The following ZNF280D variants were observed in gnomAD, a reference collection of about 807,000 sequenced individuals.
ZNF280D encodes the protein suppressor of hairy wing homolog 4.
Under a neutral mutation model 94.7 loss-of-function variants are expected in ZNF280D, and 39 were observed. That is an observed-to-expected ratio of 0.41 (90% CI 0.32 to 0.54). The LOEUF (loss-of-function observed/expected upper bound fraction) is 0.54. Ranked by LOEUF, ZNF280D falls within the 20% of genes least tolerant of loss-of-function variation. The pLI is 0.22. For missense variants in ZNF280D, 1,090 were observed against 1,149.3 expected, an observed-to-expected ratio of 0.95 and a Z score of 0.75; for synonymous variants, 398 against 377.6, an observed-to-expected ratio of 1.05 and a Z score of -0.63.
chr15:56,690,903 T>C (rs1233519394), intron 7 of ZNF280D, among the ~76,000 whole-genome samples: 1 of 152,210 alleles, frequency 6.6e-6, no homozygotes, highest in East Asian at 1.9e-4. Flanking sequence ...TGTTACTCTC[T>C]AGTTATGTTA....
chr15:56,661,869 A>G (rs1313476341), intron 16 of ZNF280D, among the ~76,000 whole-genome samples: 2 of 152,184 alleles, frequency 1.3e-5, no homozygotes, highest in Admixed American at 1.3e-4. Flanking sequence ...AGTTTTTCTA[A>G]AAGTCACAAT....
chr15:56,677,450 A>G, intron 12 of ZNF280D, 124 bp downstream of exon 12: 1 of 631,550 alleles, frequency 1.6e-6, no homozygotes, highest in Non-Finnish European at 2.9e-6. Flanking sequence ...TATCCCTCAT[A>G]TAATGCATAA....
chr15:56,706,975 A>C, intron 3 of ZNF280D, 107 bp downstream of exon 3: 1 of 994,018 alleles, frequency 1.0e-6, no homozygotes, highest in Middle Eastern at 2.5e-4. Flanking sequence ...AACAATTTTA[A>C]GCATTTTTGT....
rs569784906 is a variant in ZNF280D, at chr15:56,707,176, A to T, written c.-41-26T>A. 6.8e-5 allele frequency: 109 copies of T among 1,612,200 alleles called. No individual in the cohort carries two copies. The African/African-American group carries it at 1.4e-3, about 20-fold the overall frequency. The stretch of plus-strand genomic sequence containing the variant: ...CTGACACATGATATCAGTCAATTTA[A>T]TGAGTCACTTTAAGTAACACCAAAT... On this transcript the variant is annotated intron_variant, in intron 2 of 21. Transcript: ENST00000267807.
Position 56,632,103 on chromosome 15 carries a change from A to C in ZNF280D, c.2335T>G (p.Ser779Ala). Residue 779 changes from serine to alanine, a missense_variant, in exon 22 of 22, where the codon TCT becomes GCT. This residue lies in a region of ZNF280D where 577 missense variants were observed against 568.8 expected (regional missense o/e 1.01). Coordinates refer to ENST00000267807, the MANE Select transcript of ZNF280D (RefSeq NM_017661.4). ...TTACATCCATTTTTTTCTTTTGAAG[A>C]AGCAGCTTTATCTTGTTTACTGAAA... Reference protein sequence around the residue: ...NSESKQDKAASSKEKNGCNAN... With the variant: ...NSESKQDKAAASKEKNGCNAN... 1 of 1,585,750 alleles carries C rather than the reference A, an allele frequency of 6.3e-7. No homozygotes were observed. The highest frequency in any genetic ancestry group is 1.2e-5 in the South Asian group (1 of 85,704).
intron 1 of ZNF280D, chr15:56,724,810 G>A: frequency 2.3e-6 from 1 of 437,504 alleles, no homozygotes; most frequent in Non-Finnish European, 4.6e-6. Context: ...ACACTACAAT[G>A]TAGTGTCACT....
At chr15:56,691,245 A>C (rs2056405434) in intron 7 of ZNF280D, among the ~76,000 whole-genome samples, 1 of 152,178 alleles carries the variant, frequency 6.6e-6, no homozygotes, top group African/African-American at 2.4e-5. Flanking sequence ...GTATTATACT[A>C]CTTGGCTTCT....
intron 9 of ZNF280D, among the ~76,000 whole-genome samples, chr15:56,684,274 A>C (rs2055842815): frequency 6.6e-6 from 1 of 152,228 alleles, no homozygotes; most frequent in South Asian, 2.1e-4. Context: ...CCAACTTGTT[A>C]AACACTATAG....
chr15:56,678,429 C>T lies in ZNF280D; in HGVS notation c.1162+235G>A, dbSNP rs536341023. Among the ~76,000 whole-genome samples, 3 of 152,300 alleles carry T rather than the reference C, an allele frequency of 2.0e-5. No homozygotes were observed. In the South Asian group the frequency reaches 6.2e-4, roughly 32 times the overall value. ...CTAATTTAGTCCCCAACATATAATG[C>T]ATAGTTTATGTCAAGGCAATTACCA... is the stretch of plus-strand genomic sequence containing the variant. On this transcript the variant is annotated intron_variant, in intron 11 of 21. Transcript: ENST00000267807.
At chr15:56,720,687 T>C (rs913015835) in intron 1 of ZNF280D, among the ~76,000 whole-genome samples, 1 of 152,178 alleles carries the variant, frequency 6.6e-6, no homozygotes, top group African/African-American at 2.4e-5. Context: ...CCTTGACCCA[T>C]GGGCAGCAGA....
At chr15:56,727,764 C>T (rs12915445) in intron 1 of ZNF280D, among the ~76,000 whole-genome samples, 1 of 152,204 alleles carries the variant, frequency 6.6e-6, no homozygotes, top group Admixed American at 6.5e-5. Flanking sequence ...GCACTTTAGA[C>T]TCTTAATGAT....
intron 1 of ZNF280D, among the ~76,000 whole-genome samples, chr15:56,707,612 C>T (rs563472107): frequency 1.6e-4 from 25 of 152,214 alleles, no homozygotes; most frequent in East Asian, 7.7e-4. Flanking sequence ...ACTTTTCAAA[C>T]GCTGAGTGAC....
rs2052038395 is a variant in ZNF280D at position 56,630,612 on chromosome 15, T to TGTACAATATCTACAAACCCTAA, written c.*885_*886insTTAGGGTTTGTAGATATTGTAC. ...TACAATATCTACATTATACCATACTTTGGTTTGGCTTCCAGACCATTTTTA... is the reference window on the plus strand; with the variant it reads ...TACAATATCTACATTATACCATACTTGTACAATATCTACAAACCCTAATGGTTTGGCTTCCAGACCATTTTTA... On this transcript the variant is annotated 3_prime_UTR_variant, in exon 22 of 22. Coordinates refer to ENST00000267807, the MANE Select transcript of ZNF280D (RefSeq NM_017661.4). The TGTACAATATCTACAAACCCTAA allele has an allele frequency of 6.6e-6, 1 of 152,150 alleles. No homozygotes were observed. The highest frequency in any genetic ancestry group is 3.2e-3 in the Middle Eastern group (1 of 316). 9.4% of individuals were successfully genotyped at this position (152,150 alleles called of 1,614,324 possible). A position where few individuals can be genotyped will look rare whatever the true frequency, so the allele number is the denominator to read the frequency against.
intron 1 of ZNF280D, 107 bp from the exon 2 acceptor site, chr15:56,707,413 T>A (rs1170187583): frequency 1.2e-6 from 1 of 863,490 alleles, no homozygotes; most frequent in African/African-American, 1.7e-5. Flanking sequence ...ATATATCTGA[T>A]ATACACATAT....
intron 1 of ZNF280D, among the ~76,000 whole-genome samples, chr15:56,715,154 A>C (rs1166601326): frequency 1.3e-5 from 2 of 152,190 alleles, no homozygotes; most frequent in Non-Finnish European, 2.9e-5. Context: ...TGAACCAAAA[A>C]GTTAAGAGTT....
At chr15:56,634,643 C>T (rs1481703409) in intron 21 of ZNF280D, among the ~76,000 whole-genome samples, 10 of 152,070 alleles carry the variant, frequency 6.6e-5, no homozygotes, top group South Asian at 2.1e-4. Flanking sequence ...AATAAAATTA[C>T]CCTTCTTTGG....
chr15:56,689,314 G>C lies in ZNF280D; in HGVS notation c.656C>G (p.Ala219Gly), dbSNP rs764235282. The C allele has an allele frequency of 3.6e-5, 58 of 1,599,640 alleles. No individual in the cohort carries two copies. The highest frequency in any genetic ancestry group is 4.7e-5 in the Non-Finnish European group (55 of 1,175,608). Reference sequence around the variant, plus strand: ...TTCATATTTACCTTTTGCTAGCATAGCCTGGGAAGAAGTCACTGAAGGAGA... The same window carrying C: ...TTCATATTTACCTTTTGCTAGCATACCCTGGGAAGAAGTCACTGAAGGAGA... ...VKSPSVTSSQ[A>G]MLAKGTNTSS... The change falls in exon 8 of 22, where the codon GCT becomes GGT. Residue 219 changes from alanine to glycine, a missense_variant. Physicochemically the swap from Ala to Gly is moderately conservative, Grantham distance 60. Coordinates refer to ENST00000267807, the MANE Select transcript of ZNF280D (RefSeq NM_017661.4).
intron 13 of ZNF280D, among the ~76,000 whole-genome samples, chr15:56,669,946 A>AT (rs2054671036): frequency 2.0e-4 from 1 of 5,120 alleles, no homozygotes; most frequent in African/African-American, 6.8e-4. Flanking sequence ...TTATATATAT[A>AT]TATTATATAT....
At position 56,731,994 on chromosome 15, in the gene ZNF280D, C is replaced by T. The variant is rs184011224; in HGVS notation, c.-86+1464G>A. ...AGACCAGCCTGGGCAACATAACAAC[C>T]GCATTTCAAAAGTAAAGTATAAAAA... On this transcript the variant is annotated intron_variant, in intron 1 of 21. Coordinates refer to ENST00000267807, the MANE Select transcript of ZNF280D (RefSeq NM_017661.4). Among the ~76,000 whole-genome samples the T allele has an allele frequency of 5.5e-4, 84 of 152,174 alleles. 1 individual carries two copies. The Middle Eastern group carries it at 0.027, about 49-fold the overall frequency.
Sources: allele counts gnomAD v4.1 joint callset (sites outside exome capture counted in the v4.1 genomes callset), GRCh38; gene constraint gnomAD v4.1.1; regional missense constraint gnomAD v4.1.1; transcripts MANE v1.5; gene names NCBI Gene and HGNC (gene_info 2026-07-23, HGNC 2026-07-21).